Variants in FSTL5 observed in about 807,000 individuals in gnomAD.
The protein encoded by FSTL5 is follistatin-related protein 5.
In FSTL5, 62 loss-of-function variants were observed where a neutral mutation model predicts 89.1. That is an observed-to-expected ratio of 0.70 (90% confidence interval 0.57 to 0.86). The LOEUF is 0.86. FSTL5 is among the 40% of genes least tolerant of loss of function. The pLI, the probability that FSTL5 is intolerant of heterozygous loss-of-function variation, is 0.00. For synonymous variants in FSTL5, 383 were observed against 346.2 expected, an observed-to-expected ratio of 1.11 and a Z score of -1.18; for missense variants, 1,057 against 1,001.6, an observed-to-expected ratio of 1.06 and a Z score of -0.75.
chr4:161,725,481 C>G (rs970012304), intron 6 of FSTL5, among the ~76,000 whole-genome samples: 1 of 151,414 alleles, frequency 6.6e-6, no homozygotes, highest in Non-Finnish European at 1.5e-5. Context: ...TTAAAAGTTA[C>G]TTGCGGGAAA....
chr4:161,957,037 G>A (rs1735044249), intron 3 of FSTL5, among the ~76,000 whole-genome samples: 1 of 151,846 alleles, frequency 6.6e-6, no homozygotes, highest in Non-Finnish European at 1.5e-5. Context: ...GAAAACTATG[G>A]AAAAGTGAGT....
intron 15 of FSTL5, among the ~76,000 whole-genome samples, chr4:161,438,224 G>A (rs1428689388): frequency 2.7e-5 from 4 of 147,266 alleles, no homozygotes; most frequent in Non-Finnish European, 5.9e-5. Context: ...GTCTATAAAA[G>A]TGAGATAATG....
intron 3 of FSTL5, among the ~76,000 whole-genome samples, chr4:162,021,180 A>G (rs1380330209): frequency 1.3e-5 from 2 of 152,110 alleles, no homozygotes; most frequent in Non-Finnish European, 2.9e-5. Context: ...TGGATACAGT[A>G]TAGTCTATAC....
chr4:161,830,142 T>C (rs1730798325), intron 4 of FSTL5, among the ~76,000 whole-genome samples: 1 of 152,042 alleles, frequency 6.6e-6, no homozygotes, highest in Non-Finnish European at 1.5e-5. Context: ...AATAAAATGT[T>C]TGATAGTTAC....
chr4:162,060,233 T>C (rs181556495), intron 2 of FSTL5, among the ~76,000 whole-genome samples: 43 of 152,254 alleles, frequency 2.8e-4, no homozygotes, highest in Admixed American at 1.0e-3. Context: ...AAAATTATAG[T>C]TGAGATATAT....
intron 12 of FSTL5, chr4:161,495,630 T>C (rs985701607): frequency 6.6e-6 from 1 of 152,098 alleles, no homozygotes; most frequent in Non-Finnish European, 1.5e-5. Context: ...TGCACCAAAA[T>C]TGAGTTTTTA....
At chr4:161,962,513 T>C (rs1180315904) in intron 3 of FSTL5, among the ~76,000 whole-genome samples, 1 of 152,012 alleles carries the variant, frequency 6.6e-6, no homozygotes. Flanking sequence ...TATTTTTTTT[T>C]GTAGTTGCTG....
intron 7 of FSTL5, among the ~76,000 whole-genome samples, chr4:161,611,104 G>A (rs1734618577): frequency 6.8e-6 from 1 of 147,106 alleles, no homozygotes; most frequent in African/African-American, 2.5e-5. Flanking sequence ...AGGAAGTGAG[G>A]ACAAGAAAAG....
chr4:161,552,432 C>G lies in FSTL5; in HGVS notation c.1016-9739G>C, dbSNP rs1732248564. 1.3e-5 allele frequency: 2 copies of G among 151,650 alleles called. 1 individual carries two copies. The highest frequency in any genetic ancestry group is 4.1e-4 in the South Asian group (2 of 4,824). The allele number at this position is 151,650 out of a possible 1,614,324, so 9.4% of individuals were successfully genotyped here. A position where few individuals can be genotyped will look rare whatever the true frequency, so the allele number is the denominator to read the frequency against. On this transcript the variant is annotated intron_variant, in intron 8 of 15. Coordinates refer to ENST00000306100, the MANE Select transcript of FSTL5 (RefSeq NM_020116.5). ...AGCACATCAATCACCTCAATAAGAG[C>G]AATAGATAACACATTATTCATACTG... is the stretch of plus-strand genomic sequence containing the variant.
At chr4:161,807,921 T>C (rs1265450502) in intron 4 of FSTL5, among the ~76,000 whole-genome samples, 1 of 152,108 alleles carries the variant, frequency 6.6e-6, no homozygotes, top group Non-Finnish European at 1.5e-5. Flanking sequence ...TGATAGGTAG[T>C]TAAATCAGGA....
At chr4:161,396,224 CAT>C (rs537631519) in intron 15 of FSTL5, among the ~76,000 whole-genome samples, 8 of 152,004 alleles carry the variant, frequency 5.3e-5, no homozygotes, top group Non-Finnish European at 1.0e-4. Context: ...TGAACGCACA[CAT>C]GACTGATTAA....
chr4:161,444,847 G>T (rs1172375654), intron 15 of FSTL5, among the ~76,000 whole-genome samples: 1 of 151,768 alleles, frequency 6.6e-6, no homozygotes, highest in Non-Finnish European at 1.5e-5. Context: ...GTCTAAATTT[G>T]GACTGAACTG....
At chr4:161,512,284 A>G (rs114246355) in intron 10 of FSTL5, among the ~76,000 whole-genome samples, 318 of 152,216 alleles carry the variant, frequency 2.1e-3, no homozygotes, top group Admixed American at 3.3e-3. Flanking sequence ...CATGTGTTAG[A>G]TGTATTCAGC....
chr4:162,000,472 C>A (rs1327652201), intron 3 of FSTL5, among the ~76,000 whole-genome samples: 1 of 151,782 alleles, frequency 6.6e-6, no homozygotes, highest in Non-Finnish European at 1.5e-5. Context: ...GTGGCAGGCG[C>A]CTGTAATCCC....
chr4:161,602,680 C>T (rs1734291805), intron 7 of FSTL5, among the ~76,000 whole-genome samples: 1 of 151,982 alleles, frequency 6.6e-6, no homozygotes. Context: ...GTAAAAATTA[C>T]AACAGGCTTC....
intron 4 of FSTL5, among the ~76,000 whole-genome samples, chr4:161,801,844 G>C (rs1729804989): frequency 6.6e-6 from 1 of 151,562 alleles, no homozygotes; most frequent in Admixed American, 6.6e-5. Context: ...ATTAAAAAGA[G>C]ATTCCAGTTG....
At chr4:161,808,783 C>T (rs574222962) in intron 4 of FSTL5, among the ~76,000 whole-genome samples, 2 of 152,070 alleles carry the variant, frequency 1.3e-5, no homozygotes, top group Admixed American at 1.3e-4. Context: ...TGTATGGATG[C>T]CTTACAACTC....
At chr4:161,427,709 T>C (rs1732212253) in intron 15 of FSTL5, among the ~76,000 whole-genome samples, 1 of 152,114 alleles carries the variant, frequency 6.6e-6, no homozygotes, top group Non-Finnish European at 1.5e-5. Flanking sequence ...AACACACATA[T>C]ATAAATGATA....
intron 6 of FSTL5, among the ~76,000 whole-genome samples, chr4:161,702,276 G>T (rs887580193): frequency 1.3e-5 from 2 of 152,310 alleles, no homozygotes; most frequent in Admixed American, 6.5e-5. Context: ...AAGATGATGA[G>T]AAGGGTCAAC....
Sources: gnomAD v4.1 joint callset for allele counts (sites outside exome capture counted in the v4.1 genomes callset) on GRCh38, gnomAD v4.1.1 for gene constraint, MANE v1.5 for transcripts, NCBI Gene and HGNC (gene_info 2026-07-23, HGNC 2026-07-21) for gene names.